Variants in PDE10A observed in about 807,000 individuals in gnomAD.
PDE10A encodes cAMP and cAMP-inhibited cGMP 3',5'-cyclic phosphodiesterase 10A.
PDE10A carries 39 observed loss-of-function variants against 97.7 expected under a neutral mutation model. The observed-to-expected ratio is 0.40, with a 90% CI of 0.31 to 0.52. The LOEUF is 0.52. Ranked by LOEUF, PDE10A falls within the 20% of genes least tolerant of loss-of-function variation. The pLI is 0.56. For synonymous variants in PDE10A, 371 were observed against 376.8 expected (o/e 0.98, Z 0.18); for missense variants, 731 against 1,047.8 (o/e 0.70, Z 4.17).
chr6:165,776,797 G>A (rs1778197956), intron 1 of PDE10A, among the ~76,000 whole-genome samples: 1 of 152,160 alleles, frequency 6.6e-6, no homozygotes, highest in East Asian at 1.9e-4. Context: ...AGAGGAGGGT[G>A]GCAAGGCAAA....
At chr6:165,542,338 G>C (rs1268361209) in intron 2 of PDE10A, among the ~76,000 whole-genome samples, 5 of 152,098 alleles carry the variant, frequency 3.3e-5, no homozygotes, top group Non-Finnish European at 7.4e-5. Flanking sequence ...TATACATTCA[G>C]TTTGAGGAAA....
At chr6:165,961,796 C>T (rs1450784517) in intron 1 of PDE10A, among the ~76,000 whole-genome samples, 1 of 152,204 alleles carries the variant, frequency 6.6e-6, no homozygotes, top group Non-Finnish European at 1.5e-5. Context: ...AACCCCAGAG[C>T]CCCTTAATGA....
At position 165,515,507 on chromosome 6, in the gene PDE10A, T is replaced by C. The variant is rs1042691516; in HGVS notation, c.994+27933A>G. Among the ~76,000 whole-genome samples, 41 of 149,456 alleles carry C rather than the reference T, an allele frequency of 2.7e-4. 1 individual carries two copies. Among genetic ancestry groups the C allele is most frequent in the African/African-American group, 8.6e-4 (35 of 40,484 alleles). On this transcript the variant is annotated intron_variant, in intron 2 of 21. Coordinates refer to ENST00000539869, the MANE Select transcript of PDE10A (RefSeq NM_001385079.1). Reference sequence around the variant, plus strand: ...TATAGTATACACACACACACACACATATATATGCTTTTGTTCTTTTTTTTT... The same window carrying C: ...TATAGTATACACACACACACACACACATATATGCTTTTGTTCTTTTTTTTT...
At chr6:165,955,974 C>T (rs1311206300) in intron 1 of PDE10A, among the ~76,000 whole-genome samples, 2 of 152,222 alleles carry the variant, frequency 1.3e-5, no homozygotes, top group African/African-American at 4.8e-5. Context: ...ATATTCTTAA[C>T]ATTGATGCCT....
chr6:165,647,870 T>C (rs1789482895), intron 1 of PDE10A, among the ~76,000 whole-genome samples: 1 of 152,220 alleles, frequency 6.6e-6, no homozygotes, highest in Non-Finnish European at 1.5e-5. Flanking sequence ...ACTTGCTATA[T>C]ATTATCTCAT....
intron 18 of PDE10A, among the ~76,000 whole-genome samples, chr6:165,364,869 A>G (rs1438144458): frequency 6.6e-6 from 1 of 152,170 alleles, no homozygotes; most frequent in Non-Finnish European, 1.5e-5. Context: ...TAACCTCTAC[A>G]TCAACAAGGA....
rs183297512 is a variant in PDE10A, at chr6:165,832,011, C to A, written c.-615+155518G>T. ...ACCACAGAAACCTCCAACTACAAGG[C>A]CAACAGGAAGTCAGAAGAGACATCA... On this transcript the variant is annotated intron_variant, in intron 1 of 19. Transcript: ENST00000366882. Among the ~76,000 whole-genome samples the A allele has an allele frequency of 1.5e-3, 233 of 152,132 alleles. 3 individuals carry two copies. Among genetic ancestry groups the A allele is most frequent in the African/African-American group, 5.5e-3 (226 of 41,466 alleles).
intron 2 of PDE10A, among the ~76,000 whole-genome samples, chr6:165,508,154 A>C (rs115078834): frequency 0.057 from 8,669 of 152,204 alleles, 313 homozygotes; most frequent in South Asian, 0.09. Flanking sequence ...ACACATGTGA[A>C]ACCACTGACA....
At chr6:165,793,521 G>A (rs888589415) in intron 1 of PDE10A, among the ~76,000 whole-genome samples, 26 of 152,080 alleles carry the variant, frequency 1.7e-4, no homozygotes, top group African/African-American at 5.8e-4. Context: ...CTGACAGTGC[G>A]CTCCCTGAAA....
At chr6:165,881,578 T>TG (rs1280727034) in intron 1 of PDE10A, among the ~76,000 whole-genome samples, 3 of 150,276 alleles carry the variant, frequency 2.0e-5, no homozygotes, top group Admixed American at 6.6e-5. Context: ...TTTTTTTTTT[T>TG]TGTATTTTTA....
intron 1 of PDE10A, among the ~76,000 whole-genome samples, chr6:165,636,987 A>G (rs1788908994): frequency 6.6e-6 from 1 of 152,196 alleles, no homozygotes; most frequent in African/African-American, 2.4e-5. Context: ...TGTAAATGAA[A>G]TCATCATGGA....
chr6:165,397,232 G>T (rs1786241808), intron 13 of PDE10A, among the ~76,000 whole-genome samples: 1 of 152,068 alleles, frequency 6.6e-6, no homozygotes, highest in Non-Finnish European at 1.5e-5. Context: ...CCAAAGGAAT[G>T]GATCAATATT....
At chr6:165,343,367 T>C (rs903234216) in intron 19 of PDE10A, 24 bp downstream of exon 19, 2 of 1,431,312 alleles carry the variant, frequency 1.4e-6, no homozygotes, top group African/African-American at 2.8e-5. Flanking sequence ...ACTATCTATG[T>C]CAATATAAGA....
rs146258034 is a variant in PDE10A, at chr6:165,969,466, A to T, written c.-615+18063T>A. On this transcript the variant is annotated intron_variant, in intron 1 of 19. Transcript: ENST00000366882. ...AGCGATGGAGGAGAAGAGAGGTACA[A>T]ACACTAACAAGGAGAAACTAGAAGT... 8.3e-4 allele frequency among the ~76,000 whole-genome samples: 126 copies of T among 152,236 alleles called. 1 individual carries two copies. Among genetic ancestry groups the T allele is most frequent in the African/African-American group, 2.8e-3 (116 of 41,552 alleles).
At chr6:165,447,736 A>C (rs1167557778) in intron 5 of PDE10A, among the ~76,000 whole-genome samples, 1 of 152,236 alleles carries the variant, frequency 6.6e-6, no homozygotes, top group Non-Finnish European at 1.5e-5. Context: ...AGTGGTAGTA[A>C]TATCTGAATA....
intron 3 of PDE10A, among the ~76,000 whole-genome samples, chr6:165,462,990 T>C (rs1283720077): frequency 1.3e-5 from 2 of 152,160 alleles, no homozygotes; most frequent in African/African-American, 4.8e-5. Flanking sequence ...TGGACCCAGT[T>C]AGAAAAAATG....
intron 1 of PDE10A, among the ~76,000 whole-genome samples, chr6:165,868,851 G>A (rs1473410499): frequency 3.1e-5 from 4 of 129,874 alleles, no homozygotes; most frequent in East Asian, 2.6e-4. Context: ...CCAGGGATGC[G>A]AGGATGGTTC....
intron 2 of PDE10A, among the ~76,000 whole-genome samples, chr6:165,505,986 T>C (rs1466744106): frequency 1.3e-5 from 2 of 152,150 alleles, no homozygotes. Flanking sequence ...ATATTACTTG[T>C]CTTATTTTTC....
At chr6:165,546,247 C>T (rs1783732579) in intron 1 of PDE10A, among the ~76,000 whole-genome samples, 1 of 152,070 alleles carries the variant, frequency 6.6e-6, no homozygotes, top group South Asian at 2.1e-4. Context: ...TCAGTAACTA[C>T]CAGGAGCTCA....
Sources: gnomAD v4.1 joint callset for allele counts (sites outside exome capture counted in the v4.1 genomes callset) on GRCh38, gnomAD v4.1.1 for gene constraint, MANE v1.5 for transcripts, NCBI Gene and HGNC (gene_info 2026-07-23, HGNC 2026-07-21) for gene names.